Variants in WDR44 observed in about 807,000 individuals in gnomAD.
WDR44 encodes WD repeat domain 44.
WDR44 carries 9 observed loss-of-function variants against 65.7 expected under a neutral mutation model. The ratio of observed to expected loss-of-function variants is 0.14; its 90% CI spans 0.08 to 0.24. The LOEUF (loss-of-function observed/expected upper bound fraction) is 0.24. Among genes scored for constraint, WDR44 ranks in the 10% least tolerant of loss-of-function variants. The pLI is 1.00. For missense variants in WDR44, 425 were observed against 670.9 expected (o/e 0.63, Z 4.05); for synonymous variants, 220 against 235.2 (o/e 0.94, Z 0.59).
chrX:118,386,274 G>C (rs1188725439), intron 2 of WDR44: 18 of 285,481 alleles, frequency 6.3e-5, no homozygotes, highest in Non-Finnish European at 1.1e-4. Context: ...CATTCAAATT[G>C]CTGTGCTTCT....
Position 118,393,094 on chromosome X carries a change from C to T in WDR44, c.649C>T (p.His217Tyr). The part of the protein sequence containing the change: ...EEVAPAKPPR[H>Y]LTPEPDIVAS... ...AGTGGCCCCTGCCAAACCCCCAAGA[C>T]ACCTTACTCCAGAGCCTGATATAGT... is the stretch of plus-strand genomic sequence containing the variant. Residue 217 changes from histidine to tyrosine, a missense_variant, in exon 4 of 20, where the codon CAC becomes TAC. Around this residue, in one of 5 missense-constraint regions of WDR44, gnomAD observed 193 missense variants for 209.0 expected, o/e 0.92. Transcript: ENST00000254029. 8.3e-7 allele frequency: 1 copy of T among 1,212,076 alleles called. No homozygotes were observed. Among genetic ancestry groups the T allele is most frequent in the Non-Finnish European group, 1.1e-6 (1 of 895,592 alleles).
chrX:118,448,293 TTTA>T (rs1407871404), intron 19 of WDR44, among the ~76,000 whole-genome samples: 8 of 112,062 alleles, frequency 7.1e-5, no homozygotes, highest in Non-Finnish European at 3.8e-5. Context: ...ACTGAATTTT[TTTA>T]TTAAGTGCTT....
intron 5 of WDR44, among the ~76,000 whole-genome samples, chrX:118,394,481 C>T (rs1489782925): frequency 2.7e-5 from 3 of 111,708 alleles, no homozygotes; most frequent in Non-Finnish European, 5.6e-5. Flanking sequence ...CAAAAAACGA[C>T]AGATGCTACT....
intron 1 of WDR44, among the ~76,000 whole-genome samples, chrX:118,369,889 T>G (rs1175395305): frequency 9.9e-6 from 1 of 101,411 alleles, no homozygotes; most frequent in East Asian, 3.1e-4. Flanking sequence ...GAAGACACAC[T>G]AAATAATTTT....
chrX:118,368,924 C>T (rs1204966980), intron 1 of WDR44, among the ~76,000 whole-genome samples: 2 of 106,396 alleles, frequency 1.9e-5, no homozygotes, highest in African/African-American at 6.9e-5. Context: ...GATGGGATTT[C>T]GCCACATTGG....
chrX:118,406,405 A>C (rs1046160560), intron 9 of WDR44, among the ~76,000 whole-genome samples: 3 of 111,391 alleles, frequency 2.7e-5, no homozygotes, highest in African/African-American at 9.8e-5. Flanking sequence ...TGTTTGTATA[A>C]AAATAAATAA....
At chrX:118,371,882 G>T (rs2056616611) in intron 1 of WDR44, among the ~76,000 whole-genome samples, 1 of 110,380 alleles carries the variant, frequency 9.1e-6, no homozygotes, top group South Asian at 3.7e-4. Context: ...GTAGACATTT[G>T]AACTTTTTCT....
At chrX:118,371,842 C>T (rs1407857740) in intron 1 of WDR44, among the ~76,000 whole-genome samples, 1 of 110,489 alleles carries the variant, frequency 9.1e-6, no homozygotes, top group Non-Finnish European at 1.9e-5. Context: ...AAAAATTTTC[C>T]GTGTGTGTGG....
intron 12 of WDR44, among the ~76,000 whole-genome samples, chrX:118,427,643 A>G (rs1185522960): frequency 9.3e-6 from 1 of 107,181 alleles, no homozygotes; most frequent in Non-Finnish European, 1.9e-5. Context: ...GTCTCAGTAC[A>G]TCCTCTCCAC....
chrX:118,378,525 C>T, intron 2 of WDR44, 73 bp downstream of exon 2: 2 of 1,047,705 alleles, frequency 1.9e-6, no homozygotes, highest in South Asian at 4.1e-5. Flanking sequence ...TGTAATTCTT[C>T]ATTTTCTTGC....
At position 118,449,021 on chromosome X, in the gene WDR44, AG is replaced by A. The variant is rs923115276; in HGVS notation, c.*35del. The A allele has an allele frequency of 1.1e-5, 11 of 972,376 alleles. No homozygotes were observed. The highest frequency in any genetic ancestry group is 1.6e-5 in the Non-Finnish European group (11 of 697,976). 80.1% of individuals were successfully genotyped at this position (972,376 alleles called of 1,213,427 possible). A position where few individuals can be genotyped will look rare whatever the true frequency, so the allele number is the denominator to read the frequency against. On this transcript the variant is annotated 3_prime_UTR_variant, in exon 20 of 20. Coordinates refer to ENST00000254029, the MANE Select transcript of WDR44 (RefSeq NM_019045.5). ...GGCATTTAAAATAAACATATCAGTA[AG>A]TTTCTATATGTATCAAAACTGAAAA...
At chrX:118,429,481 C>T (rs1277741257) in intron 12 of WDR44, among the ~76,000 whole-genome samples, 3 of 106,229 alleles carry the variant, frequency 2.8e-5, no homozygotes, top group South Asian at 4.3e-4. Context: ...CCCAGGTTCT[C>T]GGGAGGCTGA....
chrX:118,369,732 G>A (rs1051033819), intron 1 of WDR44, among the ~76,000 whole-genome samples: 15 of 111,860 alleles, frequency 1.3e-4, no homozygotes, highest in Middle Eastern at 4.6e-3. Context: ...CCACCAAAGT[G>A]CTGGGATTAC....
chrX:118,429,228 T>TA (rs912197004), intron 12 of WDR44, among the ~76,000 whole-genome samples: 9 of 108,697 alleles, frequency 8.3e-5, no homozygotes, highest in East Asian at 5.7e-4. Flanking sequence ...ATTCAAAACA[T>TA]AAAAAAAAAG....
At chrX:118,409,800 G>T (rs1602938911) in intron 11 of WDR44, among the ~76,000 whole-genome samples, 173 bp downstream of exon 11, 1 of 111,981 alleles carries the variant, frequency 8.9e-6, no homozygotes, top group Non-Finnish European at 1.9e-5. Flanking sequence ...CCAATGAAAA[G>T]AGCTGCCACA....
At chrX:118,439,812 GA>G (rs1045666532) in intron 14 of WDR44, among the ~76,000 whole-genome samples, 19 of 103,795 alleles carry the variant, frequency 1.8e-4, no homozygotes, top group Middle Eastern at 4.7e-3. Context: ...GTGGGGGAAG[GA>G]AAAAAAAAGA....
chrX:118,360,302 C>T (rs2056500315), intron 1 of WDR44, among the ~76,000 whole-genome samples: 1 of 112,332 alleles, frequency 8.9e-6, no homozygotes, highest in Non-Finnish European at 1.9e-5. Context: ...GCACTTAAAG[C>T]AAGATTTAAG....
At chrX:118,360,437 C>T (rs2056501197) in intron 1 of WDR44, among the ~76,000 whole-genome samples, 1 of 111,630 alleles carries the variant, frequency 9.0e-6, no homozygotes, top group Non-Finnish European at 1.9e-5. Context: ...CATCATTTTT[C>T]TGCCTGGCCT....
In WDR44 at chrX:118,442,711, G is replaced by A. The variant is rs1263566942; in HGVS notation, c.2384+31G>A. 4 of 1,102,327 alleles carry A rather than the reference G, an allele frequency of 3.6e-6. No individual in the cohort carries two copies. In the East Asian group the frequency reaches 1.2e-4, roughly 33 times the overall value. 90.8% of individuals were successfully genotyped at this position (1,102,327 alleles called of 1,213,427 possible). A position where few individuals can be genotyped will look rare whatever the true frequency, so the allele number is the denominator to read the frequency against. ...TTGGCAATGAGATGTTCCCAAAAGA[G>A]ATCAGGACATTTCTCCCCTAGTTCC... is the stretch of plus-strand genomic sequence containing the variant. On this transcript the variant is annotated intron_variant, in intron 17 of 19. Transcript: ENST00000254029.
Sources: allele counts gnomAD v4.1 joint callset (sites outside exome capture counted in the v4.1 genomes callset), GRCh38; gene constraint gnomAD v4.1.1; regional missense constraint gnomAD v4.1.1; transcripts MANE v1.5; gene names NCBI Gene and HGNC (gene_info 2026-07-23, HGNC 2026-07-21).